The following D2HGDH variants were observed in gnomAD, a reference collection of about 807,000 sequenced individuals.
D2HGDH encodes D-2-hydroxyglutarate dehydrogenase.
A neutral mutation model predicts 46.9 loss-of-function variants in D2HGDH; 31 were observed. The ratio of observed to expected loss-of-function variants is 0.66; its 90% CI spans 0.50 to 0.89. The LOEUF (loss-of-function observed/expected upper bound fraction) is 0.89. Ranked by LOEUF, D2HGDH falls within the 40% of genes least tolerant of loss-of-function variation. The pLI, the probability that D2HGDH is intolerant of heterozygous loss-of-function variation, is 0.00. For synonymous variants in D2HGDH, 364 were observed against 332.6 expected (o/e 1.09, Z -1.03); for missense variants, 698 against 720.8 (o/e 0.97, Z 0.36).
chr2:241,762,423 G>A (rs1035518208), intron 9 of D2HGDH, among the ~76,000 whole-genome samples: 1 of 152,168 alleles, frequency 6.6e-6, no homozygotes, highest in Non-Finnish European at 1.5e-5. Context: ...GGGGTTCTGC[G>A]GTTTCACTCT....
chr2:241,748,411 G>A lies in D2HGDH; in HGVS notation c.854-1740G>A, dbSNP rs574194579. On this transcript the variant is annotated intron_variant, in intron 6 of 9. Coordinates refer to ENST00000321264, the MANE Select transcript of D2HGDH (RefSeq NM_152783.5). ...GCTGGGATTACAGGTGTGAGCCACT[G>A]TGCCCGGCCTCTTCAGCGGTTTCTT... Among the ~76,000 whole-genome samples, 3 of 152,336 alleles carry A rather than the reference G, an allele frequency of 2.0e-5. No homozygotes were observed. The South Asian group carries it at 6.2e-4, about 32-fold the overall frequency.
chr2:241,757,102 T>C (rs1698265651), intron 9 of D2HGDH, among the ~76,000 whole-genome samples: 1 of 152,248 alleles, frequency 6.6e-6, no homozygotes, highest in Admixed American at 6.5e-5. Flanking sequence ...GGTCCCGTGC[T>C]GTCCCAGGCA....
chr2:241,735,169 G>A lies in D2HGDH; in HGVS notation c.-56G>A. On this transcript the variant is annotated 5_prime_UTR_variant, in exon 2 of 10. Transcript: ENST00000321264. ...GCGGCTCCCTGCCCTTCCCCTCCGG[G>A]CCCTGAGTACCGGCCCCCCACCAAG... 2.1e-6 allele frequency: 3 copies of A among 1,446,330 alleles called. No homozygotes were observed. Among genetic ancestry groups the A allele is most frequent in the Non-Finnish European group, 1.8e-6 (2 of 1,110,788 alleles). The allele number at this position is 1,446,330 out of a possible 1,614,324, so 89.6% of individuals were successfully genotyped here. A position where few individuals can be genotyped will look rare whatever the true frequency, so the allele number is the denominator to read the frequency against.
intron 9 of D2HGDH, among the ~76,000 whole-genome samples, chr2:241,763,183 G>A (rs1347781085): frequency 3.9e-5 from 6 of 152,222 alleles, no homozygotes; most frequent in Non-Finnish European, 8.8e-5. Context: ...ATGGGGATGC[G>A]TCCTGAGAAA....
At chr2:241,736,130 A>C (rs1397807089) in intron 2 of D2HGDH, 1 of 152,896 alleles carries the variant, frequency 6.5e-6, no homozygotes, top group African/African-American at 2.4e-5. Flanking sequence ...TGAAGCCAGG[A>C]GTTCAAGACC....
chr2:241,740,048 A>C (rs562732643), intron 2 of D2HGDH, among the ~76,000 whole-genome samples: 1 of 152,272 alleles, frequency 6.6e-6, no homozygotes, highest in South Asian at 2.1e-4. Flanking sequence ...GGGAGGCTGA[A>C]GCAGGAGGAT....
chr2:241,763,440 C>A (rs1388039886), intron 9 of D2HGDH, among the ~76,000 whole-genome samples: 4 of 152,166 alleles, frequency 2.6e-5, no homozygotes, highest in Admixed American at 6.5e-5. Flanking sequence ...CCACACCTGC[C>A]TGGGGTGCCC....
intron 6 of D2HGDH, among the ~76,000 whole-genome samples, chr2:241,746,138 T>G (rs1695806146): frequency 6.6e-6 from 1 of 152,248 alleles, no homozygotes; most frequent in African/African-American, 2.4e-5. Flanking sequence ...AGATATTGTC[T>G]GTGTTTTCCT....
chr2:241,763,697 G>T (rs1300481618), intron 9 of D2HGDH, among the ~76,000 whole-genome samples: 3 of 152,126 alleles, frequency 2.0e-5, no homozygotes, highest in Non-Finnish European at 4.4e-5. Flanking sequence ...TGTGGTCCGG[G>T]GTTGGGTGAA....
chr2:241,745,003 C>A, intron 6 of D2HGDH, 126 bp downstream of exon 6: 1 of 1,235,426 alleles, frequency 8.1e-7, no homozygotes, highest in Non-Finnish European at 1.2e-6. Context: ...GTTCCCGTGT[C>A]TCCTGACATC....
chr2:241,754,812 A>G (rs1697901111), intron 8 of D2HGDH: 2 of 321,182 alleles, frequency 6.2e-6, no homozygotes, highest in Non-Finnish European at 1.2e-5. Context: ...TGTGTGGCTC[A>G]GGCTGGTCTG....
rs1345319673 is a variant in D2HGDH at position 241,768,796 on chromosome 2, T to C, written c.*827T>C. 6.6e-6 allele frequency: 1 copy of C among 152,348 alleles called. No individual in the cohort carries two copies. The highest frequency in any genetic ancestry group is 1.9e-4 in the East Asian group (1 of 5,188). The allele number at this position is 152,348 out of a possible 1,614,324, so 9.4% of individuals were successfully genotyped here. On this transcript the variant is annotated 3_prime_UTR_variant, in exon 10 of 10. Coordinates refer to ENST00000321264, the MANE Select transcript of D2HGDH (RefSeq NM_152783.5). ...TTCTGTCATGAATGTCCAGTAAAAA[T>C]CTGAATTGGTTGCAACCTTCTCTTT...
In D2HGDH at chr2:241,751,345, T is replaced by A; in HGVS notation, c.1097T>A (p.Leu366Gln). 1.2e-6 allele frequency: 2 copies of A among 1,613,754 alleles called. No homozygotes were observed. The highest frequency in any genetic ancestry group is 1.7e-6 in the Non-Finnish European group (2 of 1,180,030). Residue 366 changes from leucine to glutamine, a missense_variant, in exon 8 of 10, where the codon CTG becomes CAG. Leu to Gln is a moderately radical substitution (Grantham distance 113). Coordinates refer to ENST00000321264, the MANE Select transcript of D2HGDH (RefSeq NM_152783.5). ...HFLEHALGSGLVTDGTMATDQ... is the reference protein window; with the variant it reads ...HFLEHALGSGQVTDGTMATDQ... ...CTGGAGCACGCGCTGGGCTCCGGCC[T>A]GGTGACCGATGGGACCATGGCCACC...
At chr2:241,760,528 T>C (rs1353595548) in intron 9 of D2HGDH, among the ~76,000 whole-genome samples, 1 of 150,758 alleles carries the variant, frequency 6.6e-6, no homozygotes, top group Admixed American at 6.6e-5. Context: ...TGGGTGGGCC[T>C]TACCCAATCA....
Position 241,758,052 on chromosome 2 carries a change from C to G in D2HGDH, c.1306+2038C>G, listed in dbSNP as rs772141729. Among the ~76,000 whole-genome samples the G allele has an allele frequency of 2.0e-5, 3 of 152,088 alleles. No homozygotes were observed. The East Asian group carries it at 5.8e-4, about 29-fold the overall frequency. ...GACCGGGTGCTTGTCTGCCTGTAATCAGTGTGGTAAGTTACACTGATTGAT... is the reference window on the plus strand; with the variant it reads ...GACCGGGTGCTTGTCTGCCTGTAATGAGTGTGGTAAGTTACACTGATTGAT... On this transcript the variant is annotated intron_variant, in intron 9 of 9. Coordinates refer to ENST00000321264, the MANE Select transcript of D2HGDH (RefSeq NM_152783.5).
intron 8 of D2HGDH, among the ~76,000 whole-genome samples, chr2:241,752,087 T>G (rs1044582732): frequency 7.6e-6 from 1 of 131,636 alleles, no homozygotes; most frequent in African/African-American, 2.7e-5. Flanking sequence ...GGAGGCGCCC[T>G]TGGTCACCGT....
chr2:241,755,031 T>C (rs1434128921), intron 8 of D2HGDH: 1 of 1,295,490 alleles, frequency 7.7e-7, no homozygotes, highest in Admixed American at 2.3e-5. Flanking sequence ...TCTGTCCTGT[T>C]CCTCATGGTG....
intron 2 of D2HGDH, chr2:241,735,916 C>A (rs1692662999): frequency 4.1e-6 from 1 of 245,504 alleles, no homozygotes; most frequent in Admixed American, 5.3e-5. Flanking sequence ...GCGCCCGCCA[C>A]CACGTTCCGC....
At chr2:241,762,371 G>T (rs1698909447) in intron 9 of D2HGDH, among the ~76,000 whole-genome samples, 1 of 152,150 alleles carries the variant, frequency 6.6e-6, no homozygotes, top group South Asian at 2.1e-4. Context: ...CGCCCAGCCT[G>T]CTTTTTCCTT....
Sources: allele counts gnomAD v4.1 joint callset (sites outside exome capture counted in the v4.1 genomes callset), GRCh38; gene constraint gnomAD v4.1.1; transcripts MANE v1.5; gene names NCBI Gene and HGNC (gene_info 2026-07-23, HGNC 2026-07-21).